The following TUSC3 variants were observed in gnomAD, a reference collection of about 807,000 sequenced individuals.
TUSC3 encodes the protein dolichyl-diphosphooligosaccharide--protein glycosyltransferase subunit TUSC3.
TUSC3 carries 45 observed loss-of-function variants against 44.8 expected under a neutral mutation model. That is an observed-to-expected ratio of 1.00 (90% CI 0.79 to 1.29). The LOEUF is 1.29. Among genes scored for constraint, TUSC3 ranks in the 50% most tolerant of loss-of-function variants. The probability of loss-of-function intolerance (pLI) is 0.00; values close to 1 mark genes in which losing one functional copy is unlikely to be tolerated. For synonymous variants in TUSC3, 212 were observed against 152.9 expected (o/e 1.39, Z -2.85); for missense variants, 519 against 437.9 (o/e 1.19, Z -1.65).
intron 2 of TUSC3, among the ~76,000 whole-genome samples, chr8:15,503,012 C>T (rs566429330): frequency 7.2e-5 from 11 of 152,120 alleles, no homozygotes; most frequent in Non-Finnish European, 2.9e-5. Flanking sequence ...GAAATTTAAA[C>T]CATTCTGAGA....
At chr8:15,427,198 G>A (rs1799814426) in intron 1 of TUSC3, among the ~76,000 whole-genome samples, 1 of 146,580 alleles carries the variant, frequency 6.8e-6, no homozygotes, top group South Asian at 2.2e-4. Flanking sequence ...TCATTCTGTT[G>A]AATATTGTCT....
intron 2 of TUSC3, among the ~76,000 whole-genome samples, chr8:15,629,816 G>A (rs1805680300): frequency 2.0e-5 from 3 of 150,696 alleles, no homozygotes; most frequent in Admixed American, 2.0e-4. Context: ...CTTAAAGGCT[G>A]GTGAATGAGC....
chr8:15,475,278 A>T (rs954299655), intron 1 of TUSC3, among the ~76,000 whole-genome samples: 6 of 152,208 alleles, frequency 3.9e-5, no homozygotes, highest in Admixed American at 1.3e-4. Flanking sequence ...AGAAGTGGCA[A>T]AGGACAGAGA....
At chr8:15,648,140 C>T (rs1422483893) in intron 2 of TUSC3, among the ~76,000 whole-genome samples, 6 of 152,254 alleles carry the variant, frequency 3.9e-5, no homozygotes, top group African/African-American at 1.2e-4. Context: ...ACTCTAGGTC[C>T]TTCTCATTCT....
At chr8:15,528,946 C>G (rs943357677) in intron 2 of TUSC3, among the ~76,000 whole-genome samples, 2 of 152,136 alleles carry the variant, frequency 1.3e-5, no homozygotes, top group Non-Finnish European at 2.9e-5. Flanking sequence ...TTACCTTACT[C>G]TTTCATTACT....
At chr8:15,812,763 G>A in the TUSC3 span, among the ~76,000 whole-genome samples, 9 of 151,950 alleles carry the variant, frequency 5.9e-5, no homozygotes, top group African/African-American at 1.2e-4. Context: ...AATAGCTCAC[G>A]GAATGTAACA....
At chr8:15,824,787 CT>C in the TUSC3 span, among the ~76,000 whole-genome samples, 2 of 152,116 alleles carry the variant, frequency 1.3e-5, no homozygotes, top group East Asian at 3.9e-4. Context: ...TGTCCTATGT[CT>C]TTTTTATATA....
At chr8:15,842,289 C>G in the TUSC3 span, among the ~76,000 whole-genome samples, 1 of 152,148 alleles carries the variant, frequency 6.6e-6, no homozygotes. Flanking sequence ...CCTGGGTTGA[C>G]TGGTCACTTA....
At chr8:15,628,927 A>G (rs1179443733) in intron 2 of TUSC3, among the ~76,000 whole-genome samples, 2 of 152,202 alleles carry the variant, frequency 1.3e-5, no homozygotes, top group African/African-American at 4.8e-5. Flanking sequence ...TATGGTTGCA[A>G]AGTTGGATGA....
the TUSC3 span, among the ~76,000 whole-genome samples, chr8:15,829,487 A>G: frequency 1.3e-5 from 2 of 152,064 alleles, no homozygotes; most frequent in Non-Finnish European, 2.9e-5. Context: ...GTTTCGTTGC[A>G]TTACTCTTAT....
At chr8:15,808,547 T>C in the TUSC3 span, among the ~76,000 whole-genome samples, 1 of 152,186 alleles carries the variant, frequency 6.6e-6, no homozygotes, top group Admixed American at 6.5e-5. Context: ...AGAATTATTC[T>C]CTTACCGAAC....
intron 1 of TUSC3, among the ~76,000 whole-genome samples, chr8:15,478,263 G>T (rs1271672693): frequency 6.6e-6 from 1 of 152,088 alleles, no homozygotes; most frequent in Non-Finnish European, 1.5e-5. Flanking sequence ...ACCATGCCTG[G>T]CCTTTTTAAA....
intron 1 of TUSC3, among the ~76,000 whole-genome samples, chr8:15,619,927 A>G (rs1168049229): frequency 6.6e-6 from 1 of 152,190 alleles, no homozygotes; most frequent in East Asian, 1.9e-4. Flanking sequence ...TTGTGAAAAA[A>G]TGACTCAATT....
chr8:15,502,477 A>G (rs1487467646), intron 2 of TUSC3, among the ~76,000 whole-genome samples: 2 of 151,802 alleles, frequency 1.3e-5, no homozygotes, highest in Admixed American at 1.3e-4. Flanking sequence ...GATCCAATAT[A>G]TATATTTTCT....
chr8:15,682,345 C>CT (rs947619949), intron 6 of TUSC3, among the ~76,000 whole-genome samples: 1 of 152,076 alleles, frequency 6.6e-6, no homozygotes, highest in African/African-American at 2.4e-5. Flanking sequence ...TCTGGGTGCT[C>CT]TAATTTTGGA....
chr8:15,693,292 A>G (rs1468128184), intron 6 of TUSC3, among the ~76,000 whole-genome samples: 1 of 152,124 alleles, frequency 6.6e-6, no homozygotes, highest in Non-Finnish European at 1.5e-5. Flanking sequence ...GTGGCCAGTA[A>G]CAGTCTTTTC....
At chr8:15,520,860 G>C (rs909691196) in intron 2 of TUSC3, among the ~76,000 whole-genome samples, 4 of 152,196 alleles carry the variant, frequency 2.6e-5, no homozygotes, top group African/African-American at 7.2e-5. Context: ...TGTCCTTATA[G>C]TCTCAGCGGG....
At chr8:15,546,513 G>C (rs1045039931) in intron 1 of TUSC3, among the ~76,000 whole-genome samples, 5 of 151,688 alleles carry the variant, frequency 3.3e-5, no homozygotes, top group African/African-American at 1.2e-4. Context: ...AGGCTTCAAA[G>C]ATGTTATTCA....
At chr8:15,428,416 G>A (rs1799832372) in intron 1 of TUSC3, among the ~76,000 whole-genome samples, 1 of 151,776 alleles carries the variant, frequency 6.6e-6, no homozygotes, top group Non-Finnish European at 1.5e-5. Context: ...TGTGAATAGT[G>A]CCGCAATAAA....
Sources: gnomAD v4.1 joint callset for allele counts (sites outside exome capture counted in the v4.1 genomes callset) on GRCh38, gnomAD v4.1.1 for gene constraint, MANE v1.5 for transcripts, NCBI Gene and HGNC (gene_info 2026-07-23, HGNC 2026-07-21) for gene names.